PTPN13: variants seen among roughly 807,000 people sequenced by gnomAD.
PTPN13 encodes the protein protein tyrosine phosphatase non-receptor type 13, also known as tyrosine-protein phosphatase non-receptor type 13.
A neutral mutation model predicts 284.0 loss-of-function variants in PTPN13; 191 were observed. The observed-to-expected ratio is 0.67, with a 90% CI of 0.60 to 0.76. The LOEUF (loss-of-function observed/expected upper bound fraction) is 0.76, where lower values mean the gene tolerates loss of function less well. Ranked by LOEUF, PTPN13 falls within the 30% of genes least tolerant of loss-of-function variation. The pLI, the probability that PTPN13 is intolerant of heterozygous loss-of-function variation, is 0.00. For missense variants in PTPN13, 2,797 were observed against 2,939.9 expected (o/e 0.95, Z 1.12); for synonymous variants, 986 against 1,022.3 (o/e 0.96, Z 0.68).
At position 86,701,779 on chromosome 4, in the gene PTPN13, G is replaced by A. The variant is rs372801723; in HGVS notation, c.1173G>A (p.Leu391=). The A allele has an allele frequency of 1.1e-5, 18 of 1,612,014 alleles. No homozygotes were observed. The highest frequency in any genetic ancestry group is 1.4e-5 in the Non-Finnish European group (17 of 1,179,238). The change falls in exon 7 of 48, where the codon CTG becomes CTA. Residue 391 remains leucine, a synonymous_variant. Coordinates refer to ENST00000411767, the MANE Select transcript of PTPN13 (RefSeq NM_080683.3). ...IRERQKKLQV[L]REAMNVEEPV... ...AGAGACAAAAGAAACTTCAGGTTCTGAGGGAAGCCATGAATGTAGAAGGTT... is the reference window on the plus strand; with the variant it reads ...AGAGACAAAAGAAACTTCAGGTTCTAAGGGAAGCCATGAATGTAGAAGGTT...
At chr4:86,704,468 A>C (rs1259948699) in intron 7 of PTPN13, among the ~76,000 whole-genome samples, 1 of 152,198 alleles carries the variant, frequency 6.6e-6, no homozygotes, top group Non-Finnish European at 1.5e-5. Flanking sequence ...ATATGATTCT[A>C]TTATCTTCTC....
At chr4:86,612,846 C>T (rs1720079038) in intron 1 of PTPN13, among the ~76,000 whole-genome samples, 1 of 152,116 alleles carries the variant, frequency 6.6e-6, no homozygotes. Context: ...AACTGTCAGC[C>T]TAAAATTTCT....
At chr4:86,664,075 C>T (rs1422899975) in intron 2 of PTPN13, among the ~76,000 whole-genome samples, 1 of 152,130 alleles carries the variant, frequency 6.6e-6, no homozygotes, top group African/African-American at 2.4e-5. Flanking sequence ...ATATTGGAAT[C>T]TCCAGGAAAC....
Position 86,718,521 on chromosome 4 carries a change from G to A in PTPN13, c.1385+1404G>A, listed in dbSNP as rs571473678. ...ACTGTAATGCAGTGGCGCTATCTCAGCTCACTGCAACCTCTGTCTCCCAGG... is the reference window on the plus strand; with the variant it reads ...ACTGTAATGCAGTGGCGCTATCTCAACTCACTGCAACCTCTGTCTCCCAGG... On this transcript the variant is annotated intron_variant, in intron 9 of 47. Transcript: ENST00000411767. Among the ~76,000 whole-genome samples the A allele has an allele frequency of 5.3e-5, 8 of 150,436 alleles. No homozygotes were observed. The South Asian group carries it at 1.7e-3, about 32-fold the overall frequency.
intron 23 of PTPN13, 86 bp from the exon 24 acceptor site, chr4:86,762,641 C>T (rs1332109499): frequency 2.8e-6 from 3 of 1,064,092 alleles, no homozygotes; most frequent in Non-Finnish European, 4.1e-6. Flanking sequence ...TAAAATCCTT[C>T]CAACAATCTT....
chr4:86,633,768 C>G (rs1429305128), intron 1 of PTPN13, among the ~76,000 whole-genome samples: 1 of 152,138 alleles, frequency 6.6e-6, no homozygotes, highest in Non-Finnish European at 1.5e-5. Context: ...AGATAACTCA[C>G]ATATCTTTAG....
At chr4:86,788,081 A>C (rs1017597514) in intron 40 of PTPN13, among the ~76,000 whole-genome samples, 13 of 152,228 alleles carry the variant, frequency 8.5e-5, no homozygotes, top group African/African-American at 3.1e-4. Flanking sequence ...CAAAGCAAAG[A>C]AAATGAGGGA....
intron 17 of PTPN13, 81 bp downstream of exon 17, chr4:86,745,209 A>G (rs572234276): frequency 1.5e-6 from 2 of 1,330,570 alleles, no homozygotes; most frequent in South Asian, 2.9e-5. Flanking sequence ...AACTGCCATG[A>G]TTAGGATGAA....
At chr4:86,756,635 C>A (rs1223915790) in intron 20 of PTPN13, among the ~76,000 whole-genome samples, 1 of 151,958 alleles carries the variant, frequency 6.6e-6, no homozygotes, top group South Asian at 2.1e-4. Context: ...CTAATTCACT[C>A]CTGAGAGGAA....
intron 2 of PTPN13, among the ~76,000 whole-genome samples, chr4:86,658,930 G>C (rs1329539181): frequency 6.6e-6 from 1 of 152,018 alleles, no homozygotes; most frequent in Non-Finnish European, 1.5e-5. Flanking sequence ...CAAAGAAAAA[G>C]GAATTAGCTA....
intron 7 of PTPN13, among the ~76,000 whole-genome samples, chr4:86,707,486 C>A (rs1019505151): frequency 6.6e-6 from 1 of 152,200 alleles, no homozygotes; most frequent in East Asian, 1.9e-4. Context: ...TTTGAGGAAC[C>A]TTAATGTTTC....
At chr4:86,727,894 T>C (rs1452181115) in intron 10 of PTPN13, among the ~76,000 whole-genome samples, 3 of 149,608 alleles carry the variant, frequency 2.0e-5, no homozygotes, top group Non-Finnish European at 1.5e-5. Flanking sequence ...CTAGTTCTTT[T>C]AATTGTGATG....
At chr4:86,616,723 CCTT>C (rs1720589913) in intron 1 of PTPN13, among the ~76,000 whole-genome samples, 1 of 152,172 alleles carries the variant, frequency 6.6e-6, no homozygotes, top group Non-Finnish European at 1.5e-5. Context: ...TCCCCCTTCT[CCTT>C]CTAAGCTTCC....
At chr4:86,804,577 G>A (rs1386641688) in intron 43 of PTPN13, among the ~76,000 whole-genome samples, 1 of 152,152 alleles carries the variant, frequency 6.6e-6, no homozygotes, top group Admixed American at 6.5e-5. Context: ...AGATTTAAAT[G>A]TCACCATCAG....
At chr4:86,782,362 T>G (rs1255726179) in intron 37 of PTPN13, 100 bp downstream of exon 37, 3 of 1,122,410 alleles carry the variant, frequency 2.7e-6, no homozygotes, top group African/African-American at 3.1e-5. Flanking sequence ...AATATTTGTC[T>G]TCTTTAGATA....
intron 23 of PTPN13, among the ~76,000 whole-genome samples, chr4:86,760,976 A>G (rs1162527599): frequency 6.6e-6 from 1 of 151,812 alleles, no homozygotes; most frequent in East Asian, 1.9e-4. Flanking sequence ...TAATTTTTAA[A>G]GTTACAGAAT....
At chr4:86,729,534 GT>G (rs1246687218) in intron 10 of PTPN13, among the ~76,000 whole-genome samples, 8 of 149,132 alleles carry the variant, frequency 5.4e-5, no homozygotes, top group African/African-American at 2.0e-4. Flanking sequence ...GGCTTTGTTC[GT>G]TTCTTTTTAC....
At chr4:86,803,358 A>G (rs974664877) in intron 42 of PTPN13, among the ~76,000 whole-genome samples, 1 of 151,960 alleles carries the variant, frequency 6.6e-6, no homozygotes, top group African/African-American at 2.4e-5. Context: ...GGGGAAGCCA[A>G]GACAGGAGGA....
intron 41 of PTPN13, among the ~76,000 whole-genome samples, chr4:86,798,097 CTTTACAGATTTT>C (rs1285951300): frequency 6.6e-6 from 1 of 152,070 alleles, no homozygotes; most frequent in Non-Finnish European, 1.5e-5. Context: ...AATGCATGCC[CTTTACAGATTTT>C]TTGAGATTGA....
Sources: allele counts gnomAD v4.1 joint callset (sites outside exome capture counted in the v4.1 genomes callset), GRCh38; gene constraint gnomAD v4.1.1; transcripts MANE v1.5; gene names NCBI Gene and HGNC (gene_info 2026-07-23, HGNC 2026-07-21).